Variants in SYTL5 observed in about 807,000 individuals in gnomAD.
SYTL5 encodes synaptotagmin-like protein 5.
SYTL5 carries 34 observed loss-of-function variants against 55.9 expected under a neutral mutation model. The ratio of observed to expected loss-of-function variants is 0.61; its 90% CI spans 0.46 to 0.81. The LOEUF is 0.81. SYTL5 is among the 30% of genes least tolerant of loss of function. SYTL5 has a pLI of 0.00. For synonymous variants in SYTL5, 221 were observed against 188.7 expected (o/e 1.17, Z -1.40); for missense variants, 637 against 546.7 (o/e 1.17, Z -1.65).
At chrX:38,062,491 G>A (rs2147348147) in intron 3 of SYTL5, among the ~76,000 whole-genome samples, 1 of 111,726 alleles carries the variant, frequency 9.0e-6, no homozygotes, top group South Asian at 3.7e-4. Flanking sequence ...CAGTAAAATA[G>A]ATTTCAAAAA....
chrX:38,062,808 G>A (rs138584202), intron 3 of SYTL5, among the ~76,000 whole-genome samples: 243 of 111,873 alleles, frequency 2.2e-3, no homozygotes, highest in Non-Finnish European at 3.9e-3. Context: ...TGTTGAAACC[G>A]CAAATTACCG....
At chrX:38,041,493 A>G (rs1056857556) in intron 2 of SYTL5, among the ~76,000 whole-genome samples, 6 of 111,826 alleles carry the variant, frequency 5.4e-5, no homozygotes, top group Non-Finnish European at 1.1e-4. Context: ...AATTGCCACA[A>G]AGCTTCTTAA....
the SYTL5 span, among the ~76,000 whole-genome samples, chrX:37,947,614 C>T: frequency 3.2e-4 from 36 of 111,879 alleles, no homozygotes; most frequent in Middle Eastern, 4.6e-3. Flanking sequence ...TGGACTAATA[C>T]ACCATCAGAA....
At chrX:38,048,717 G>A (rs184341922) in intron 2 of SYTL5, among the ~76,000 whole-genome samples, 1 of 110,286 alleles carries the variant, frequency 9.1e-6, no homozygotes, top group East Asian at 2.9e-4. Context: ...AATGGCACAG[G>A]AAAGACCCAC....
At chrX:37,902,701 AC>A in the SYTL5 span, among the ~76,000 whole-genome samples, 2 of 111,746 alleles carry the variant, frequency 1.8e-5, no homozygotes, top group African/African-American at 6.5e-5. Context: ...AAGAACAAAA[AC>A]CCAGGAATGG....
At chrX:38,125,964 CA>C (rs754150243) in intron 16 of SYTL5, among the ~76,000 whole-genome samples, 2 of 111,461 alleles carry the variant, frequency 1.8e-5, no homozygotes. Flanking sequence ...ATCATTTTTT[CA>C]TAAAAATAAC....
At chrX:38,071,805 T>C (rs1213750868) in intron 3 of SYTL5, among the ~76,000 whole-genome samples, 2 of 112,094 alleles carry the variant, frequency 1.8e-5, no homozygotes, top group Admixed American at 9.5e-5. Flanking sequence ...ATTAGGATAA[T>C]AGTGTTTACA....
chrX:37,932,605 A>G, the SYTL5 span, among the ~76,000 whole-genome samples: 2 of 112,157 alleles, frequency 1.8e-5, no homozygotes, highest in African/African-American at 3.2e-5. Context: ...TTTTCATCAG[A>G]GCAGAATCTC....
chrX:38,035,805 G>T (rs986951156), intron 2 of SYTL5, among the ~76,000 whole-genome samples: 15 of 109,554 alleles, frequency 1.4e-4, no homozygotes, highest in African/African-American at 5.0e-4. Context: ...TGAGGCAGGA[G>T]AATCACTTGA....
At chrX:38,002,672 C>A (rs149800931), upstream of SYTL5, among the ~76,000 whole-genome samples, 264 of 111,896 alleles carry the variant, frequency 2.4e-3, 1 homozygote, top group African/African-American at 7.7e-3. Context: ...TCTTTTGAGA[C>A]GTGTCTGTTC....
the SYTL5 span, among the ~76,000 whole-genome samples, chrX:37,967,671 C>G: frequency 1.8e-5 from 2 of 110,840 alleles, no homozygotes; most frequent in African/African-American, 6.6e-5. Context: ...TTTTTTCTTT[C>G]TGATGCTCAC....
intron 1 of SYTL5, among the ~76,000 whole-genome samples, chrX:38,028,346 C>A (rs752703856): frequency 8.9e-6 from 1 of 112,259 alleles, no homozygotes; most frequent in South Asian, 3.7e-4. Context: ...TAATCAGTTT[C>A]TCCAATTGTG....
chrX:37,994,041 G>A, the SYTL5 span, among the ~76,000 whole-genome samples: 2 of 111,235 alleles, frequency 1.8e-5, no homozygotes, highest in South Asian at 3.8e-4. Context: ...TTACTAGGGT[G>A]ACCAGGTTCC....
the SYTL5 span, among the ~76,000 whole-genome samples, chrX:37,947,258 G>A: frequency 1.8e-5 from 2 of 111,489 alleles, no homozygotes; most frequent in African/African-American, 6.5e-5. Flanking sequence ...ATCTGATATG[G>A]TTTGGCTCTG....
At chrX:38,014,267 A>G (rs1171288363) in intron 1 of SYTL5, among the ~76,000 whole-genome samples, 1 of 112,007 alleles carries the variant, frequency 8.9e-6, no homozygotes, top group African/African-American at 3.2e-5. Flanking sequence ...ATGTATGTAT[A>G]TTTAATTCTA....
the SYTL5 span, among the ~76,000 whole-genome samples, chrX:37,981,357 G>A: frequency 1.3e-4 from 15 of 111,203 alleles, no homozygotes; most frequent in East Asian, 2.8e-4. Flanking sequence ...GTGCAGTGGC[G>A]CGATCACAGC....
At chrX:37,924,869 G>C in the SYTL5 span, among the ~76,000 whole-genome samples, 1,083 of 111,432 alleles carry the variant, frequency 9.7e-3, 12 homozygotes, top group African/African-American at 0.034. Context: ...TCTTTTCTTT[G>C]TGTTGGGAAC....
chrX:38,087,894 C>T (rs979318602), intron 6 of SYTL5, among the ~76,000 whole-genome samples: 1 of 111,063 alleles, frequency 9.0e-6, no homozygotes, highest in Non-Finnish European at 1.9e-5. Context: ...AGTGGTATGT[C>T]GGTGTGTGTA....
At chrX:37,921,831 T>C in the SYTL5 span, among the ~76,000 whole-genome samples, 2 of 111,731 alleles carry the variant, frequency 1.8e-5, no homozygotes, top group Non-Finnish European at 3.8e-5. Flanking sequence ...GAGGGAACAA[T>C]AATAGTGAAA....
Sources: allele counts gnomAD v4.1 joint callset (sites outside exome capture counted in the v4.1 genomes callset), GRCh38; gene constraint gnomAD v4.1.1; transcripts MANE v1.5; gene names NCBI Gene and HGNC (gene_info 2026-07-23, HGNC 2026-07-21).